RBFOX1: variants seen among roughly 807,000 people sequenced by gnomAD.
The protein encoded by RBFOX1 is RNA binding protein fox-1 homolog 1.
A neutral mutation model predicts 57.7 loss-of-function variants in RBFOX1; 8 were observed. The ratio of observed to expected loss-of-function variants is 0.14; its 90% CI spans 0.08 to 0.25. RBFOX1 has a LOEUF of 0.25. Ranked by LOEUF, RBFOX1 falls within the 10% of genes least tolerant of loss-of-function variation. RBFOX1 has a pLI of 1.00. For missense variants in RBFOX1, 611 were observed against 548.5 expected (o/e 1.11, Z -1.14); for synonymous variants, 326 against 222.4 (o/e 1.47, Z -4.15).
chr16:6,933,083 T>C (rs2076819393), intron 3 of RBFOX1, among the ~76,000 whole-genome samples: 2 of 152,192 alleles, frequency 1.3e-5, no homozygotes, highest in Admixed American at 1.3e-4. Flanking sequence ...TTCTTCCCTG[T>C]CTAAGGATGA....
chr16:7,581,288 G>C (rs1456756751), intron 6 of RBFOX1, among the ~76,000 whole-genome samples: 1 of 152,168 alleles, frequency 6.6e-6, no homozygotes, highest in African/African-American at 2.4e-5. Flanking sequence ...GCACTTTCAG[G>C]TCAAAGATGA....
intron 10 of RBFOX1, among the ~76,000 whole-genome samples, chr16:7,615,881 C>G (rs796796144): frequency 6.6e-6 from 1 of 152,172 alleles, no homozygotes; most frequent in Non-Finnish European, 1.5e-5. Flanking sequence ...ATTCTGTCCT[C>G]ATTGACGCTA....
In RBFOX1 at chr16:6,681,068, T is replaced by C. The variant is rs763894294; in HGVS notation, c.-16+26418T>C. Reference sequence around the variant, plus strand: ...GCTCACACCCATAATGCCAGTCCTTTGCAAGGCTGAGGTGGGTGGATCATT... The same window carrying C: ...GCTCACACCCATAATGCCAGTCCTTCGCAAGGCTGAGGTGGGTGGATCATT... On this transcript the variant is annotated intron_variant, in intron 3 of 15. Transcript: ENST00000550418. Among the ~76,000 whole-genome samples, 3 of 152,196 alleles carry C rather than the reference T, an allele frequency of 2.0e-5. No homozygotes were observed. The East Asian group carries it at 5.8e-4, about 29-fold the overall frequency.
chr16:5,544,341 G>A (rs1397376300), intron 2 of RBFOX1, among the ~76,000 whole-genome samples: 1 of 152,064 alleles, frequency 6.6e-6, no homozygotes, highest in Non-Finnish European at 1.5e-5. Context: ...TGGAGAAAGG[G>A]GTTAAAGAGA....
chr16:7,005,458 G>T (rs1218574819), intron 3 of RBFOX1, among the ~76,000 whole-genome samples: 1 of 152,200 alleles, frequency 6.6e-6, no homozygotes, highest in African/African-American at 2.4e-5. Context: ...TGTCTAGAAA[G>T]ATAATTGACA....
In RBFOX1 at chr16:5,386,687, C is replaced by T. The variant is rs563946228; in HGVS notation, c.220-80529C>T. Among the ~76,000 whole-genome samples the T allele has an allele frequency of 3.9e-5, 6 of 152,286 alleles. No individual in the cohort carries two copies. The South Asian group carries it at 1.0e-3, about 26-fold the overall frequency. ...GGCAGACTCCCACACATCCTCACTT[C>T]CCCATGGCCACCTCCTTGATTCCCC... On this transcript the variant is annotated intron_variant, in intron 1 of 2. Transcript: ENST00000585867.
chr16:5,672,066 T>C (rs1210346429), intron 3 of RBFOX1, among the ~76,000 whole-genome samples: 1 of 152,218 alleles, frequency 6.6e-6, no homozygotes, highest in East Asian at 1.9e-4. Flanking sequence ...TGCAACTTTC[T>C]TGGACTTGCC....
chr16:6,556,155 C>G (rs944224637), intron 2 of RBFOX1, among the ~76,000 whole-genome samples: 1 of 152,082 alleles, frequency 6.6e-6, no homozygotes, highest in African/African-American at 2.4e-5. Flanking sequence ...CAGTAATAAA[C>G]CCTGTCTTTA....
At chr16:5,285,714 G>A (rs113392943) in intron 1 of RBFOX1, among the ~76,000 whole-genome samples, 1 of 152,162 alleles carries the variant, frequency 6.6e-6, no homozygotes, top group Non-Finnish European at 1.5e-5. Context: ...GATTTCTTCA[G>A]CTGTAATTGG....
chr16:6,216,288 TA>T (rs535380898), intron 1 of RBFOX1, among the ~76,000 whole-genome samples: 286 of 152,186 alleles, frequency 1.9e-3, no homozygotes, highest in African/African-American at 6.7e-3. Flanking sequence ...AAAATAAAAG[TA>T]TAAAAACCCC....
At chr16:6,311,412 T>C (rs763542885) in intron 1 of RBFOX1, among the ~76,000 whole-genome samples, 1 of 151,476 alleles carries the variant, frequency 6.6e-6, no homozygotes, top group Non-Finnish European at 1.5e-5. Context: ...GGAACGCTCA[T>C]CACAGAGACC....
chr16:6,766,182 A>G (rs2077300612), intron 3 of RBFOX1, among the ~76,000 whole-genome samples: 1 of 152,164 alleles, frequency 6.6e-6, no homozygotes, highest in African/African-American at 2.4e-5. Context: ...GATATGGAGA[A>G]AAAAAAAGAC....
chr16:7,695,683 C>T (rs1032670686), intron 14 of RBFOX1, among the ~76,000 whole-genome samples: 1 of 150,352 alleles, frequency 6.7e-6, no homozygotes. Flanking sequence ...TCCTGCTGTG[C>T]CCACTACCCA....
At chr16:6,004,086 G>C (rs951884363) in intron 4 of RBFOX1, among the ~76,000 whole-genome samples, 1 of 152,176 alleles carries the variant, frequency 6.6e-6, no homozygotes, top group Non-Finnish European at 1.5e-5. Flanking sequence ...TGCATGTGGG[G>C]CTTAATACCA....
At chr16:6,884,898 A>G (rs2153352902) in intron 3 of RBFOX1, among the ~76,000 whole-genome samples, 1 of 152,260 alleles carries the variant, frequency 6.6e-6, no homozygotes, top group East Asian at 1.9e-4. Context: ...GCTCTCTTTC[A>G]AACAAACAAA....
At chr16:6,942,653 C>T (rs925297870) in intron 3 of RBFOX1, among the ~76,000 whole-genome samples, 20 of 152,036 alleles carry the variant, frequency 1.3e-4, no homozygotes, top group Admixed American at 1.2e-3. Flanking sequence ...GAGTGGACAG[C>T]GAGAAGGATA....
chr16:7,705,322 C>T (rs1444919330), intron 14 of RBFOX1, among the ~76,000 whole-genome samples: 1 of 151,938 alleles, frequency 6.6e-6, no homozygotes, highest in East Asian at 1.9e-4. Context: ...GTGGCTAACA[C>T]AGTGAAGCCC....
chr16:6,864,630 C>G (rs1456557436), intron 3 of RBFOX1, among the ~76,000 whole-genome samples: 3 of 150,426 alleles, frequency 2.0e-5, no homozygotes, highest in South Asian at 2.1e-4. Flanking sequence ...AATCAAGGAT[C>G]TGATTCAAAT....
chr16:7,288,773 G>A (rs1444914024), intron 4 of RBFOX1, among the ~76,000 whole-genome samples: 11 of 152,208 alleles, frequency 7.2e-5, no homozygotes, highest in Admixed American at 4.6e-4. Flanking sequence ...CCCAGGGGAT[G>A]GAGGTTACAG....
Sources: gnomAD v4.1 joint callset for allele counts (sites outside exome capture counted in the v4.1 genomes callset) on GRCh38, gnomAD v4.1.1 for gene constraint, MANE v1.5 for transcripts, NCBI Gene and HGNC (gene_info 2026-07-23, HGNC 2026-07-21) for gene names.